Variants in CELSR1 observed in about 807,000 individuals in gnomAD.
CELSR1 encodes the protein adhesion G protein-coupled receptor C1.
A neutral mutation model predicts 249.1 loss-of-function variants in CELSR1; 110 were observed. That is an observed-to-expected ratio of 0.44 (90% CI 0.38 to 0.52). The LOEUF (loss-of-function observed/expected upper bound fraction) is 0.52, where lower values mean the gene tolerates loss of function less well. Among genes scored for constraint, CELSR1 ranks in the 20% least tolerant of loss-of-function variants. The probability of loss-of-function intolerance (pLI) is 0.00; values close to 1 mark genes in which losing one functional copy is unlikely to be tolerated. For missense variants in CELSR1, 4,109 were observed against 4,296.4 expected, an observed-to-expected ratio of 0.96 and a Z score of 1.22; for synonymous variants, 2,113 against 1,900.0, an observed-to-expected ratio of 1.11 and a Z score of -2.92.
intron 1 of CELSR1, among the ~76,000 whole-genome samples, chr22:46,508,960 GC>G (rs1230317495): frequency 6.6e-5 from 10 of 152,172 alleles, no homozygotes; most frequent in Admixed American, 1.3e-4. Context: ...CTCCAGGATA[GC>G]CACGACCCTC....
intron 1 of CELSR1, chr22:46,481,749 C>T (rs2080268856): frequency 4.2e-6 from 2 of 478,248 alleles, no homozygotes; most frequent in African/African-American, 4.1e-5. Flanking sequence ...CAGTGGCAAC[C>T]CTGTGCTGCC....
chr22:46,519,414 G>A (rs1278097172), intron 1 of CELSR1, among the ~76,000 whole-genome samples: 4 of 152,230 alleles, frequency 2.6e-5, no homozygotes, highest in African/African-American at 9.6e-5. Flanking sequence ...CCAAGGCTTG[G>A]TCATGAAGAG....
Position 46,471,946 on chromosome 22 carries a change from A to G in CELSR1, c.3545-7601T>C, listed in dbSNP as rs1300791658. Among the ~76,000 whole-genome samples the G allele has an allele frequency of 6.6e-6, 1 of 151,784 alleles. No homozygotes were observed. The highest frequency in any genetic ancestry group is 1.5e-5 in the Non-Finnish European group (1 of 67,994). On this transcript the variant is annotated intron_variant, in intron 1 of 34. Coordinates refer to ENST00000674500, the MANE Select transcript of CELSR1 (RefSeq NM_001378328.1). The surrounding 1 kb of genome is among the most constrained non-coding windows in gnomAD (Gnocchi z 4.9). ...GCCTCACGCTGTCCCCCGTGGTTTC[A>G]TTTCTGTGTGTGAGTACAGGTCAGT...
At chr22:46,469,649 G>A (rs965745307) in intron 1 of CELSR1, among the ~76,000 whole-genome samples, 1 of 151,854 alleles carries the variant, frequency 6.6e-6, no homozygotes, top group Admixed American at 6.6e-5. Flanking sequence ...CCAAGTAGCT[G>A]GGATTACAGA....
At chr22:46,525,538 C>T (rs1015124864) in intron 1 of CELSR1, among the ~76,000 whole-genome samples, 5 of 152,090 alleles carry the variant, frequency 3.3e-5, no homozygotes, top group African/African-American at 7.2e-5. Flanking sequence ...TATATGAACC[C>T]GTGTGTTCAG....
intron 1 of CELSR1, among the ~76,000 whole-genome samples, chr22:46,476,235 G>A (rs182810621): frequency 6.3e-4 from 96 of 152,066 alleles, no homozygotes; most frequent in African/African-American, 2.0e-3. Context: ...AAACCCAAAC[G>A]TCCACCAATG....
intron 5 of CELSR1, among the ~76,000 whole-genome samples, chr22:46,418,368 C>G (rs2079427233): frequency 6.6e-6 from 1 of 152,130 alleles, no homozygotes; most frequent in African/African-American, 2.4e-5. Flanking sequence ...GGCCTGTAAT[C>G]CCAGCTACTT....
At chr22:46,513,912 C>CA (rs538442685) in intron 1 of CELSR1, among the ~76,000 whole-genome samples, 5 of 115,724 alleles carry the variant, frequency 4.3e-5, no homozygotes, top group Non-Finnish European at 9.6e-5. Flanking sequence ...CCTGCCTCAG[C>CA]CCCCCCCGAG....
intron 1 of CELSR1, among the ~76,000 whole-genome samples, chr22:46,524,490 G>T (rs945597201): frequency 4.6e-5 from 7 of 152,206 alleles, no homozygotes; most frequent in Non-Finnish European, 7.4e-5. Context: ...TGGAAGGAAA[G>T]GTGTTACCCC....
chr22:46,373,757 C>G (rs1416113753), intron 24 of CELSR1, among the ~76,000 whole-genome samples: 1 of 147,578 alleles, frequency 6.8e-6, no homozygotes, highest in Non-Finnish European at 1.5e-5. Flanking sequence ...ATGGGAGGGT[C>G]CCACCACCCT....
chr22:46,474,041 G>A (rs544217836), intron 1 of CELSR1, among the ~76,000 whole-genome samples: 3 of 152,116 alleles, frequency 2.0e-5, no homozygotes, highest in African/African-American at 7.2e-5. Context: ...AGTGAGCCTC[G>A]GACCCAGGAG....
At position 46,406,874 on chromosome 22, in the gene CELSR1, G is replaced by A. The variant is rs1046496075; in HGVS notation, c.5226+2122C>T. 8.0e-4 allele frequency among the ~76,000 whole-genome samples: 13 copies of A among 16,312 alleles called. No individual in the cohort carries two copies. The highest frequency in any genetic ancestry group is 7.4e-3 in the Admixed American group (10 of 1,348). The allele number at this position is 16,312 out of a possible 152,430, so 10.7% of individuals were successfully genotyped here. Reference sequence around the variant, plus strand: ...GCGGGATGGTGTCCAGGACACACTCGGCAGCAAAAGAAGCCCAGAGCCCAA... The same window carrying A: ...GCGGGATGGTGTCCAGGACACACTCAGCAGCAAAAGAAGCCCAGAGCCCAA... On this transcript the variant is annotated intron_variant, in intron 9 of 34. Transcript: ENST00000674500. This position sits in a 1 kb window ranked among gnomAD's most constrained non-coding sequence, Gnocchi z 5.4.
chr22:46,530,875 T>A (rs754703940), intron 1 of CELSR1, among the ~76,000 whole-genome samples: 16 of 152,192 alleles, frequency 1.1e-4, no homozygotes, highest in Non-Finnish European at 2.4e-4. Flanking sequence ...CCACTAAACG[T>A]AGTCGATGGC....
chr22:46,502,501 G>C (rs1244792548), intron 1 of CELSR1, among the ~76,000 whole-genome samples: 1 of 140,844 alleles, frequency 7.1e-6, no homozygotes, highest in Non-Finnish European at 1.5e-5. Context: ...GGAGAAAGAG[G>C]AGGGAAGAGA....
intron 19 of CELSR1, among the ~76,000 whole-genome samples, chr22:46,385,820 A>G (rs1329680433): frequency 2.7e-5 from 4 of 150,204 alleles, no homozygotes; most frequent in Non-Finnish European, 3.0e-5. Context: ...TGGGACTACA[A>G]ACGCCCACCA....
intron 2 of CELSR1, among the ~76,000 whole-genome samples, chr22:46,460,871 C>T (rs952443598): frequency 1.8e-4 from 27 of 152,172 alleles, no homozygotes; most frequent in African/African-American, 6.0e-4. Context: ...TTCAGGGACA[C>T]GGGAGAGCCA....
rs1033208112 is a variant in CELSR1 at position 46,413,303 on chromosome 22, T to A, written c.4612-1544A>T. The stretch of plus-strand genomic sequence containing the variant: ...AACTGGAAACAGGAGCTCAGCCAGA[T>A]GGCCAAGTTGCATGACTTCTGGGGA... On this transcript the variant is annotated intron_variant, in intron 5 of 34. Transcript: ENST00000674500. The surrounding 1 kb of genome is among the most constrained non-coding windows in gnomAD (Gnocchi z 4.7). Among the ~76,000 whole-genome samples, 1 of 152,218 alleles carries A rather than the reference T, an allele frequency of 6.6e-6. No individual in the cohort carries two copies. Among genetic ancestry groups the A allele is most frequent in the Non-Finnish European group, 1.5e-5 (1 of 68,046 alleles).
Position 46,436,110 on chromosome 22 carries a change from C to A in CELSR1, c.4522+64G>T, listed in dbSNP as rs890075475. 1 of 1,296,240 alleles carries A rather than the reference C, an allele frequency of 7.7e-7. No individual in the cohort carries two copies. The highest frequency in any genetic ancestry group is 1.1e-6 in the Non-Finnish European group (1 of 897,186). The allele number at this position is 1,296,240 out of a possible 1,614,324, so 80.3% of individuals were successfully genotyped here. ...TGGAGGCGCTGCACAGGGCGAGGGT[C>A]GTTTTAACCCACAAAGTATCTGTGA... On this transcript the variant is annotated intron_variant, in intron 4 of 34. Coordinates refer to ENST00000674500, the MANE Select transcript of CELSR1 (RefSeq NM_001378328.1). This position sits in a 1 kb window ranked among gnomAD's most constrained non-coding sequence, Gnocchi z 5.9.
chr22:46,445,019 A>G lies in CELSR1; in HGVS notation c.4184-5608T>C, dbSNP rs2079802652. Among the ~76,000 whole-genome samples the G allele has an allele frequency of 6.6e-6, 1 of 152,130 alleles. No individual in the cohort carries two copies. Among genetic ancestry groups the G allele is most frequent in the African/African-American group, 2.4e-5 (1 of 41,490 alleles). On this transcript the variant is annotated intron_variant, in intron 2 of 34. Coordinates refer to ENST00000674500, the MANE Select transcript of CELSR1 (RefSeq NM_001378328.1). This position sits in a 1 kb window ranked among gnomAD's most constrained non-coding sequence, Gnocchi z 4.4. ...TCAGGGGTTCGCGAGCCTGGCCAAC[A>G]TGGTGAAACCCAATCTCTACTACAA...
Sources: allele counts gnomAD v4.1 joint callset (sites outside exome capture counted in the v4.1 genomes callset), GRCh38; gene constraint gnomAD v4.1.1; non-coding constraint Gnocchi (gnomAD v3.1); transcripts MANE v1.5; gene names NCBI Gene and HGNC (gene_info 2026-07-23, HGNC 2026-07-21).